Variants in ESRRG observed in about 807,000 individuals in gnomAD.
ESRRG encodes estrogen-related receptor gamma.
In ESRRG, 13 loss-of-function variants were observed where a neutral mutation model predicts 44.0. The ratio of observed to expected loss-of-function variants is 0.30; its 90% confidence interval spans 0.19 to 0.47. The LOEUF (loss-of-function observed/expected upper bound fraction) is 0.47, where lower values mean the gene tolerates loss of function less well. Among genes scored for constraint, ESRRG ranks in the 20% least tolerant of loss-of-function variants. The pLI, the probability that ESRRG is intolerant of heterozygous loss-of-function variation, is 1.00. For missense variants in ESRRG, 395 were observed against 580.6 expected (o/e 0.68, Z 3.29); for synonymous variants, 215 against 214.6 (o/e 1.00, Z -0.02).
At chr1:216,610,264 C>T (rs1244995635) in intron 3 of ESRRG, among the ~76,000 whole-genome samples, 1 of 151,020 alleles carries the variant, frequency 6.6e-6, no homozygotes, top group Non-Finnish European at 1.5e-5. Context: ...CTGCCATTGC[C>T]CAAACCAGAA....
intron 2 of ESRRG, among the ~76,000 whole-genome samples, chr1:216,802,322 G>T (rs2094647823): frequency 6.6e-6 from 1 of 152,138 alleles, no homozygotes. Context: ...ATTGTAGTTT[G>T]GTTGGGTCAA....
In ESRRG at chr1:216,677,343, T is replaced by C. The variant is rs1231258999; in HGVS notation, c.205A>G (p.Ser69Gly). The change falls in exon 2 of 7, where the codon AGT (serine) becomes GGT (glycine). Residue 69 changes from serine (S) to glycine (G), a missense_variant. By Grantham distance (56) the Ser-to-Gly change is moderately conservative. Coordinates refer to ENST00000408911, the MANE Select transcript of ESRRG (RefSeq NM_001438.4). ...TTCTGATGGCCATTCATGGTTGAACTGTAGCTCCCACTGGCGTCTGAAGAG... is the reference window on the plus strand; with the variant it reads ...TTCTGATGGCCATTCATGGTTGAACCGTAGCTCCCACTGGCGTCTGAAGAG... ...GGSSDASGSY[S>G]STMNGHQNGL... The C allele has an allele frequency of 1.2e-6, 2 of 1,614,166 alleles. No individual in the cohort carries two copies. Among genetic ancestry groups the C allele is most frequent in the Non-Finnish European group, 1.7e-6 (2 of 1,180,026 alleles).
intron 1 of ESRRG, among the ~76,000 whole-genome samples, chr1:217,099,892 C>G (rs2092482320): frequency 6.6e-6 from 1 of 152,022 alleles, no homozygotes; most frequent in Admixed American, 6.5e-5. Flanking sequence ...TTGACCAGTT[C>G]CTCTCCAAAC....
At chr1:216,653,677 C>G (rs1349073174) in intron 2 of ESRRG, among the ~76,000 whole-genome samples, 1 of 152,172 alleles carries the variant, frequency 6.6e-6, no homozygotes, top group South Asian at 2.1e-4. Flanking sequence ...ACTATCCCAG[C>G]AGAAAACGAT....
At chr1:217,076,148 T>C (rs745367143) in intron 1 of ESRRG, among the ~76,000 whole-genome samples, 2 of 152,216 alleles carry the variant, frequency 1.3e-5, no homozygotes, top group African/African-American at 2.4e-5. Context: ...CTGTTTCACC[T>C]TGAAGCTCAG....
At chr1:216,926,204 G>A (rs992228788) in intron 2 of ESRRG, among the ~76,000 whole-genome samples, 7 of 152,068 alleles carry the variant, frequency 4.6e-5, no homozygotes, top group African/African-American at 1.4e-4. Context: ...TGCTGCTTCC[G>A]CAGATCTGCA....
chr1:216,936,038 T>C (rs987231207), intron 2 of ESRRG, among the ~76,000 whole-genome samples: 1 of 152,106 alleles, frequency 6.6e-6, no homozygotes, highest in African/African-American at 2.4e-5. Flanking sequence ...CTTGTAATCA[T>C]GGCTTGTTTT....
intron 2 of ESRRG, among the ~76,000 whole-genome samples, chr1:216,929,419 AT>A (rs1362751816): frequency 6.6e-6 from 1 of 152,206 alleles, no homozygotes; most frequent in African/African-American, 2.4e-5. Context: ...CTCCCATCAA[AT>A]TTTAAACATA....
At chr1:216,790,244 A>C (rs779085073) in intron 2 of ESRRG, among the ~76,000 whole-genome samples, 58 of 152,116 alleles carry the variant, frequency 3.8e-4, no homozygotes, top group Admixed American at 1.8e-3. Context: ...TATTTTGGAG[A>C]CTGTCACAGA....
chr1:217,096,126 T>C (rs1202641095), intron 1 of ESRRG, among the ~76,000 whole-genome samples: 1 of 152,226 alleles, frequency 6.6e-6, no homozygotes, highest in Non-Finnish European at 1.5e-5. Flanking sequence ...TTTAAATATT[T>C]ATACAACTGT....
At chr1:216,651,163 C>G (rs10863261) in intron 2 of ESRRG, 74 bp from the exon 3 acceptor site, 225,198 of 918,576 alleles carry the variant, frequency 0.25, 31,106 homozygotes, top group Non-Finnish European at 0.29. Flanking sequence ...AAGGCAATGT[C>G]AACTCTATTA....
intron 3 of ESRRG, among the ~76,000 whole-genome samples, chr1:216,576,585 C>T (rs1244615365): frequency 6.6e-6 from 1 of 151,994 alleles, no homozygotes; most frequent in African/African-American, 2.4e-5. Flanking sequence ...TAGGACATAA[C>T]CCCAAAGAAG....
At chr1:217,053,466 AAAG>A (rs1157111506) in intron 1 of ESRRG, among the ~76,000 whole-genome samples, 483 of 4,090 alleles carry the variant, frequency 0.12, 2 homozygotes, top group African/African-American at 0.14. Context: ...AAGCCAAAAA[AAAG>A]AAAGAAAGAA....
chr1:216,757,713 T>C (rs1207820806), intron 2 of ESRRG, among the ~76,000 whole-genome samples: 4 of 152,052 alleles, frequency 2.6e-5, no homozygotes, highest in African/African-American at 7.2e-5. Context: ...CAAATACCTA[T>C]GGTCTAGAGA....
At chr1:216,826,366 A>C (rs1468297438) in intron 2 of ESRRG, among the ~76,000 whole-genome samples, 1 of 152,180 alleles carries the variant, frequency 6.6e-6, no homozygotes, top group African/African-American at 2.4e-5. Context: ...GAATAATGAG[A>C]GCTGGTACAC....
At chr1:216,901,056 G>C (rs1461246791) in intron 2 of ESRRG, among the ~76,000 whole-genome samples, 1 of 152,144 alleles carries the variant, frequency 6.6e-6, no homozygotes, top group African/African-American at 2.4e-5. Flanking sequence ...GCTGGGGGTT[G>C]CTTCTTAACC....
chr1:216,949,063 C>A (rs144526028), intron 1 of ESRRG, among the ~76,000 whole-genome samples: 1 of 152,136 alleles, frequency 6.6e-6, no homozygotes, highest in Non-Finnish European at 1.5e-5. Flanking sequence ...AAGAAGAGAG[C>A]GCTCTGCCTT....
chr1:216,564,444 A>G (rs1280614001), intron 4 of ESRRG, 64 bp from the exon 5 acceptor site: 1 of 1,320,692 alleles, frequency 7.6e-7, no homozygotes, highest in African/African-American at 1.5e-5. Context: ...TATAAACCCT[A>G]GAGCATTTTG....
intron 1 of ESRRG, among the ~76,000 whole-genome samples, chr1:216,711,711 T>A (rs747665091): frequency 2.6e-5 from 4 of 152,190 alleles, no homozygotes; most frequent in Non-Finnish European, 5.9e-5. Context: ...TGTAATGATG[T>A]TAGAGAAAAA....
Sources: gnomAD v4.1 joint callset for allele counts (sites outside exome capture counted in the v4.1 genomes callset) on GRCh38, gnomAD v4.1.1 for gene constraint, MANE v1.5 for transcripts, NCBI Gene and HGNC (gene_info 2026-07-23, HGNC 2026-07-21) for gene names.